Variants in SH3TC2 observed in about 807,000 individuals in gnomAD.
SH3TC2 encodes SH3 domain and tetratricopeptide repeats 2, also known as SH3 domain and tetratricopeptide repeat-containing protein 2.
Under a neutral mutation model 124.5 loss-of-function variants are expected in SH3TC2, and 87 were observed. That is an observed-to-expected ratio of 0.70 (90% CI 0.59 to 0.84). The LOEUF (loss-of-function observed/expected upper bound fraction) is 0.84. Ranked by LOEUF, SH3TC2 falls within the 40% of genes least tolerant of loss-of-function variation. The pLI is 0.00. For missense variants in SH3TC2, 1,536 were observed against 1,566.4 expected, an observed-to-expected ratio of 0.98 and a Z score of 0.33; for synonymous variants, 634 against 628.5, an observed-to-expected ratio of 1.01 and a Z score of -0.13.
Position 148,988,532 on chromosome 5 carries a change from T to C in SH3TC2, c.*16179A>G, listed in dbSNP as rs1373423223. ...TGCACTCTCTTGGAACCAGCCACCA[T>C]GCTGTAAGACGGCCAAGCCACATGG... On this transcript the variant is annotated 3_prime_UTR_variant, in exon 17 of 17. Transcript: ENST00000515425. Among the ~76,000 whole-genome samples the C allele has an allele frequency of 6.6e-6, 1 of 152,228 alleles. No homozygotes were observed. Among genetic ancestry groups the C allele is most frequent in the Non-Finnish European group, 1.5e-5 (1 of 68,036 alleles).
intron 3 of SH3TC2, chr5:149,046,506 T>C (rs916665207): frequency 6.6e-6 from 1 of 152,236 alleles, no homozygotes; most frequent in East Asian, 1.9e-4. Flanking sequence ...CAGTGCATTT[T>C]ATAATCAATG....
rs540826689 is a variant in SH3TC2, at chr5:149,047,741, A to T, written c.279+121T>A. ...ACGGAATCTTTCATTCATTCAGTCTACCTATTAGATGTTTTTTCCGAGGAC... is the reference window on the plus strand; with the variant it reads ...ACGGAATCTTTCATTCATTCAGTCTTCCTATTAGATGTTTTTTCCGAGGAC... On this transcript the variant is annotated intron_variant, in intron 3 of 16. Transcript: ENST00000515425. 3.2e-6 allele frequency: 4 copies of T among 1,235,526 alleles called. No individual in the cohort carries two copies. The South Asian group carries it at 4.9e-5, about 15-fold the overall frequency. 76.5% of individuals were successfully genotyped at this position (1,235,526 alleles called of 1,614,324 possible). A position where few individuals can be genotyped will look rare whatever the true frequency, so the allele number is the denominator to read the frequency against.
intron 16 of SH3TC2, among the ~76,000 whole-genome samples, chr5:149,005,487 T>G (rs1753671887): frequency 6.6e-6 from 1 of 152,242 alleles, no homozygotes; most frequent in Non-Finnish European, 1.5e-5. Context: ...TTGCCTTTTT[T>G]GCTTAAGGAA....
At chr5:149,043,946 C>T (rs1754413963) in intron 4 of SH3TC2, 1 of 152,726 alleles carries the variant, frequency 6.5e-6, no homozygotes, top group Non-Finnish European at 1.5e-5. Flanking sequence ...ACTTTAACTT[C>T]CCCATTATAA....
intron 8 of SH3TC2, chr5:149,034,619 T>C (rs181976008): frequency 8.0e-4 from 175 of 217,804 alleles, no homozygotes; most frequent in African/African-American, 3.9e-3. Context: ...TACGCCTCCT[T>C]TCTTGGTTTA....
At chr5:149,022,332 A>T (rs1454507342) in intron 12 of SH3TC2, among the ~76,000 whole-genome samples, 1 of 152,204 alleles carries the variant, frequency 6.6e-6, no homozygotes, top group Non-Finnish European at 1.5e-5. Context: ...CAAAACCACA[A>T]TGAGATACAA....
chr5:149,051,396 G>A (rs1754554611), intron 2 of SH3TC2, among the ~76,000 whole-genome samples: 1 of 152,084 alleles, frequency 6.6e-6, no homozygotes, highest in South Asian at 2.1e-4. Context: ...ACTATGTTGG[G>A]TATCATATAG....
intron 12 of SH3TC2, among the ~76,000 whole-genome samples, chr5:149,023,032 G>A (rs867468210): frequency 5.9e-5 from 9 of 152,200 alleles, no homozygotes; most frequent in African/African-American, 2.2e-4. Context: ...GAATTTTATG[G>A]TGTGTAATTA....
chr5:149,035,274 TTC>T (rs1475150365), intron 8 of SH3TC2: 1 of 152,220 alleles, frequency 6.6e-6, no homozygotes, highest in Non-Finnish European at 1.5e-5. Flanking sequence ...TTTTCCTATG[TTC>T]TTTTTTCTGG....
intron 1 of SH3TC2, chr5:149,057,750 G>A (rs1325302934): frequency 6.6e-6 from 1 of 152,206 alleles, no homozygotes; most frequent in African/African-American, 2.4e-5. Context: ...GTGGCAATCA[G>A]ACAGTCCTGG....
rs1476373546 is a variant in SH3TC2, at chr5:148,987,913, C to G, written c.*16798G>C. ...TCTCCACTCTGTGGCCCAGAGTAAGCTTACATAGTGAGTGCACCTAAAGGT... is the reference window on the plus strand; with the variant it reads ...TCTCCACTCTGTGGCCCAGAGTAAGGTTACATAGTGAGTGCACCTAAAGGT... On this transcript the variant is annotated 3_prime_UTR_variant, in exon 17 of 17. Coordinates refer to ENST00000515425, the MANE Select transcript of SH3TC2 (RefSeq NM_024577.4). Among the ~76,000 whole-genome samples the G allele has an allele frequency of 6.6e-6, 1 of 150,822 alleles. No individual in the cohort carries two copies. The highest frequency in any genetic ancestry group is 1.5e-5 in the Non-Finnish European group (1 of 67,774).
chr5:149,035,309 A>G lies in SH3TC2; in HGVS notation c.1001+2986T>C, dbSNP rs575372220. ...TGGTTTTGAGTACATTAATTTATCA[A>G]TCTGACTTATTTTTTTAATTTAGGC... is the stretch of plus-strand genomic sequence containing the variant. On this transcript the variant is annotated intron_variant, in intron 8 of 16. Transcript: ENST00000515425. 1.6e-4 allele frequency: 24 copies of G among 152,296 alleles called. No homozygotes were observed. In the South Asian group the frequency reaches 3.7e-3, roughly 24 times the overall value. 9.4% of individuals were successfully genotyped at this position (152,296 alleles called of 1,614,324 possible).
chr5:149,028,598 TAAGGTG>T lies in SH3TC2; in HGVS notation c.1178-50_1178-45del, dbSNP rs754739645. 4 of 1,614,012 alleles carry T rather than the reference TAAGGTG, an allele frequency of 2.5e-6. No homozygotes were observed. The South Asian group carries it at 4.4e-5, about 18-fold the overall frequency. ...TTGAGCAACCTTGGGCACCTGCACC[TAAGGTG>T]GCCGCTCTTGGCAAGAGGACAGAAG... On this transcript the variant is annotated intron_variant, in intron 10 of 16. Coordinates refer to ENST00000515425, the MANE Select transcript of SH3TC2 (RefSeq NM_024577.4).
chr5:149,010,230 G>A, intron 14 of SH3TC2, 40 bp downstream of exon 14: 1 of 1,613,868 alleles, frequency 6.2e-7, no homozygotes, highest in Non-Finnish European at 8.5e-7. Context: ...CCATGCCCGT[G>A]CCAGGACCTG....
At position 149,006,993 on chromosome 5, in the gene SH3TC2, C is replaced by T. The variant is rs1488918693; in HGVS notation, c.3563G>A (p.Cys1188Tyr). Residue 1188 changes from cysteine to tyrosine, a missense_variant, in exon 16 of 17, where the codon TGC becomes TAC. Physicochemically the swap from Cys to Tyr is radical, Grantham distance 194. This residue lies in a region of SH3TC2 where 426 missense variants were observed against 443.5 expected (regional missense o/e 0.96). Transcript: ENST00000515425. ...ACAGAGGGACAGGGTCTTCAGGTAGCAGTCCTCAGCCATCTCATACATGTG... is the reference window on the plus strand; with the variant it reads ...ACAGAGGGACAGGGTCTTCAGGTAGTAGTCCTCAGCCATCTCATACATGTG... ...SLHMYEMAED[C>Y]YLKTLSLCPP... is the part of the protein sequence containing the mutation. 1 of 1,614,186 alleles carries T rather than the reference C, an allele frequency of 6.2e-7. No homozygotes were observed. The highest frequency in any genetic ancestry group is 8.5e-7 in the Non-Finnish European group (1 of 1,180,036).
chr5:149,005,325 A>T (rs946550929), intron 16 of SH3TC2, among the ~76,000 whole-genome samples: 3 of 152,274 alleles, frequency 2.0e-5, no homozygotes, highest in African/African-American at 7.2e-5. Flanking sequence ...CTAGAAGGGG[A>T]AAAGGCCAAG....
At chr5:149,031,417 G>T (rs144739309) in intron 9 of SH3TC2, 137 bp downstream of exon 9, 2 of 1,141,230 alleles carry the variant, frequency 1.8e-6, no homozygotes, top group Non-Finnish European at 2.6e-6. Flanking sequence ...GATTCAGGTC[G>T]TCAACAGAAT....
At chr5:149,049,129 C>T (rs1754514394) in intron 2 of SH3TC2, among the ~76,000 whole-genome samples, 2 of 152,196 alleles carry the variant, frequency 1.3e-5, no homozygotes, top group African/African-American at 2.4e-5. Context: ...TGCAAATGAG[C>T]TCTTCTATGA....
At chr5:149,017,669 T>C (rs1753898561) in intron 12 of SH3TC2, among the ~76,000 whole-genome samples, 1 of 152,182 alleles carries the variant, frequency 6.6e-6, no homozygotes, top group African/African-American at 2.4e-5. Flanking sequence ...AGTGGTGAAA[T>C]TGTCTGGACT....
Sources: allele counts gnomAD v4.1 joint callset (sites outside exome capture counted in the v4.1 genomes callset), GRCh38; gene constraint gnomAD v4.1.1; regional missense constraint gnomAD v4.1.1; transcripts MANE v1.5; gene names NCBI Gene and HGNC (gene_info 2026-07-23, HGNC 2026-07-21).